BCL2L14: variants seen among roughly 807,000 people sequenced by gnomAD.
The protein encoded by BCL2L14 is BCL2 like 14.
Under a neutral mutation model 35.3 loss-of-function variants are expected in BCL2L14, and 27 were observed. That is an observed-to-expected ratio of 0.76 (90% CI 0.56 to 1.05). The LOEUF is 1.05. Among genes scored for constraint, BCL2L14 ranks in the 50% least tolerant of loss-of-function variants. BCL2L14 has a pLI of 0.00. For synonymous variants in BCL2L14, 139 were observed against 145.9 expected (o/e 0.95, Z 0.34); for missense variants, 377 against 382.6 (o/e 0.99, Z 0.12).
At chr12:12,077,195 C>T (rs1221550762) in intron 1 of BCL2L14, among the ~76,000 whole-genome samples, 10 of 152,082 alleles carry the variant, frequency 6.6e-5, no homozygotes, top group Non-Finnish European at 4.4e-5. Flanking sequence ...GCCGAAAGAC[C>T]GTCTTAAATT....
intron 5 of BCL2L14, chr12:12,095,463 G>A (rs1949295538): frequency 1.0e-6 from 1 of 985,144 alleles, no homozygotes; most frequent in Non-Finnish European, 1.2e-6. Context: ...TCAATTACCT[G>A]GTATCAGTCA....
At chr12:12,087,138 C>T (rs1949063055) in intron 2 of BCL2L14, 75 bp from the exon 3 acceptor site, 1 of 1,500,580 alleles carries the variant, frequency 6.7e-7, no homozygotes, top group Non-Finnish European at 9.1e-7. Flanking sequence ...CTTTTCATTC[C>T]AGGCAACTTT....
intron 5 of BCL2L14, chr12:12,095,888 T>C: frequency 1.0e-6 from 1 of 985,402 alleles, no homozygotes; most frequent in Non-Finnish European, 1.2e-6. Context: ...TTTTCCACTT[T>C]TGCACCAAGT....
chr12:12,079,457 G>A lies in BCL2L14; in HGVS notation c.152G>A (p.Arg51Lys). 3 of 1,614,238 alleles carry A rather than the reference G, an allele frequency of 1.9e-6. No individual in the cohort carries two copies. The highest frequency in any genetic ancestry group is 2.5e-6 in the Non-Finnish European group (3 of 1,180,044). Reference sequence around the variant, plus strand: ...TTCTCACCAAAGCTGCTGAGAACAAGAAGTTTGTCCCAGAGGGGCCTGGGG... The same window carrying A: ...TTCTCACCAAAGCTGCTGAGAACAAAAAGTTTGTCCCAGAGGGGCCTGGGG... ...ALFSPKLLRT[R>K]SLSQRGLGNC... The change falls in exon 2 of 6, where the codon AGA becomes AAA. Residue 51 changes from arginine (R) to lysine (K), a missense_variant. Transcript: ENST00000308721.
At chr12:12,059,204 C>T (rs571061659) in intron 2 of BCL2L14, among the ~76,000 whole-genome samples, 53 of 152,312 alleles carry the variant, frequency 3.5e-4, no homozygotes, top group East Asian at 1.2e-3. Context: ...CACACAGGGA[C>T]GCCTGCCTTG....
chr12:12,096,241 G>A (rs1949309264), intron 5 of BCL2L14: 1 of 866,576 alleles, frequency 1.2e-6, no homozygotes, highest in Admixed American at 6.2e-5. Context: ...TATTTTCTCA[G>A]AGAAATTATA....
chr12:12,089,153 G>C (rs1480468525), intron 3 of BCL2L14, among the ~76,000 whole-genome samples: 1 of 152,216 alleles, frequency 6.6e-6, no homozygotes, highest in Admixed American at 6.5e-5. Context: ...GATCGCCTGA[G>C]GTCAGGCGTT....
chr12:12,074,094 C>CATATACTA (rs1948728651), intron 1 of BCL2L14, among the ~76,000 whole-genome samples: 1 of 152,126 alleles, frequency 6.6e-6, no homozygotes, highest in East Asian at 1.9e-4. Context: ...TTATTTGGGA[C>CATATACTA]ATATACTAAT....
upstream of BCL2L14, among the ~76,000 whole-genome samples, chr12:12,066,926 G>A (rs1260577554): frequency 2.0e-5 from 3 of 151,950 alleles, no homozygotes; most frequent in Non-Finnish European, 4.4e-5. Flanking sequence ...TAGCCAGGAT[G>A]GTCTCGATCT....
intron 2 of BCL2L14, among the ~76,000 whole-genome samples, chr12:12,085,674 C>T (rs1949026837): frequency 6.6e-6 from 1 of 152,158 alleles, no homozygotes. Context: ...TGTGGCCTTT[C>T]CGTGAATGGC....
At chr12:12,063,168 A>C (rs3962618) in intron 2 of BCL2L14, among the ~76,000 whole-genome samples, 120,503 of 146,482 alleles carry the variant, frequency 0.82, 49,723 homozygotes, top group East Asian at 0.92. Flanking sequence ...TTCTCAACTA[A>C]TCATACATGC....
intron 2 of BCL2L14, among the ~76,000 whole-genome samples, chr12:12,052,413 C>T (rs1948371138): frequency 6.6e-6 from 1 of 152,202 alleles, no homozygotes; most frequent in Non-Finnish European, 1.5e-5. Context: ...CACCATTGTA[C>T]TCTCTACTTC....
At chr12:12,056,550 C>G (rs373512478) in intron 2 of BCL2L14, among the ~76,000 whole-genome samples, 1 of 152,200 alleles carries the variant, frequency 6.6e-6, no homozygotes, top group Admixed American at 6.5e-5. Context: ...AGTTAATAGG[C>G]TGGGCACGGT....
intron 1 of BCL2L14, chr12:12,077,640 T>C (rs1411655705): frequency 6.5e-6 from 1 of 153,838 alleles, no homozygotes; most frequent in African/African-American, 2.4e-5. Context: ...GGAACTTCTC[T>C]TGTGTATCTT....
chr12:12,079,980 G>A (rs769282060), intron 2 of BCL2L14, among the ~76,000 whole-genome samples: 2 of 151,994 alleles, frequency 1.3e-5, no homozygotes, highest in African/African-American at 2.4e-5. Context: ...CAAGGCGGGT[G>A]GATCATGAGG....
chr12:12,062,686 A>T (rs1009858715), intron 2 of BCL2L14, among the ~76,000 whole-genome samples: 2 of 152,150 alleles, frequency 1.3e-5, no homozygotes, highest in Admixed American at 1.3e-4. Context: ...AGATAGGAAG[A>T]GGCCTTTCCT....
intron 5 of BCL2L14, 42 bp downstream of exon 5, chr12:12,094,972 G>A: frequency 1.3e-6 from 2 of 1,572,328 alleles, no homozygotes. Context: ...TCAGAACTCA[G>A]AAGAGATGGG....
At chr12:12,061,523 T>G (rs2136715918) in intron 2 of BCL2L14, among the ~76,000 whole-genome samples, 1 of 151,926 alleles carries the variant, frequency 6.6e-6, no homozygotes, top group African/African-American at 2.4e-5. Flanking sequence ...TAGTTCAGGA[T>G]CTATGCCTTA....
rs781524706 is a variant in BCL2L14, at chr12:12,094,645, C to T, written c.679-19C>T. 1.9e-6 allele frequency: 3 copies of T among 1,614,158 alleles called. No individual in the cohort carries two copies. The East Asian group carries it at 6.7e-5, about 36-fold the overall frequency. On this transcript the variant is annotated intron_variant, in intron 4 of 5. Coordinates refer to ENST00000308721, the MANE Select transcript of BCL2L14 (RefSeq NM_138723.2). Reference sequence around the variant, plus strand: ...TGGAGCCAAGCTACTGTACTGAGTGCTTATTCTTTTGTACACAGCTGAAGA... The same window carrying T: ...TGGAGCCAAGCTACTGTACTGAGTGTTTATTCTTTTGTACACAGCTGAAGA...
Sources: gnomAD v4.1 joint callset for allele counts (sites outside exome capture counted in the v4.1 genomes callset) on GRCh38, gnomAD v4.1.1 for gene constraint, MANE v1.5 for transcripts, NCBI Gene and HGNC (gene_info 2026-07-23, HGNC 2026-07-21) for gene names.